The following PLCB4 variants were observed in gnomAD, a reference collection of about 807,000 sequenced individuals.
PLCB4 encodes phospholipase C beta 4.
PLCB4 carries 77 observed loss-of-function variants against 178.8 expected under a neutral mutation model. The ratio of observed to expected loss-of-function variants is 0.43; its 90% CI spans 0.36 to 0.52. PLCB4 has a LOEUF of 0.52. Ranked by LOEUF, PLCB4 falls within the 20% of genes least tolerant of loss-of-function variation. The pLI is 0.00. For synonymous variants in PLCB4, 496 were observed against 490.8 expected (o/e 1.01, Z -0.14); for missense variants, 1,024 against 1,453.4 (o/e 0.70, Z 4.80).
intron 21 of PLCB4, among the ~76,000 whole-genome samples, chr20:9,405,551 C>T (rs894252897): frequency 2.6e-5 from 4 of 152,080 alleles, no homozygotes; most frequent in African/African-American, 9.7e-5. Context: ...GATTTCATTC[C>T]TGCAGTGGAA....
At chr20:9,320,423 C>G (rs760856998) in intron 4 of PLCB4, among the ~76,000 whole-genome samples, 1 of 152,146 alleles carries the variant, frequency 6.6e-6, no homozygotes, top group Non-Finnish European at 1.5e-5. Context: ...AGCTTTTGGC[C>G]GGCTTCCTTA....
intron 2 of PLCB4, among the ~76,000 whole-genome samples, chr20:9,147,674 G>A (rs1027755777): frequency 1.1e-4 from 16 of 152,106 alleles, no homozygotes; most frequent in African/African-American, 3.6e-4. Context: ...ACTAGACCTA[G>A]CATATACTCC....
At chr20:9,236,157 T>C (rs1056712558) in intron 3 of PLCB4, among the ~76,000 whole-genome samples, 10 of 152,164 alleles carry the variant, frequency 6.6e-5, no homozygotes, top group African/African-American at 2.4e-4. Context: ...ATTTTGTCTC[T>C]TGATGTCTTG....
chr20:9,427,215 ACT>A (rs2041079661), intron 28 of PLCB4, among the ~76,000 whole-genome samples: 1 of 152,134 alleles, frequency 6.6e-6, no homozygotes, highest in Admixed American at 6.6e-5. Flanking sequence ...ACAGAGCAAG[ACT>A]CTGTCTCCAA....
rs771814352 is a variant in PLCB4, at chr20:9,421,316, T to C, written c.2174T>C (p.Leu725Ser). The stretch of plus-strand genomic sequence containing the variant: ...CTACAGGTTATATCAGGTCAATTCT[T>C]ATCAGATAAGAAAATTGGCACCTAC... ...CSVQVISGQF[L>S]SDKKIGTYVE... The change falls in exon 27 of 40, where the codon TTA becomes TCA. Residue 725 changes from leucine to serine, a missense_variant. Leu to Ser is a moderately radical substitution (Grantham distance 145). This residue lies in a region of PLCB4 where 227 missense variants were observed against 374.3 expected (regional missense o/e 0.61). Transcript: ENST00000378473. 6.2e-7 allele frequency: 1 copy of C among 1,613,694 alleles called. No individual in the cohort carries two copies. Among genetic ancestry groups the C allele is most frequent in the African/African-American group, 1.3e-5 (1 of 74,920 alleles).
intron 3 of PLCB4, among the ~76,000 whole-genome samples, chr20:9,297,041 C>A (rs1447748086): frequency 6.6e-6 from 1 of 151,912 alleles, no homozygotes; most frequent in Admixed American, 6.6e-5. Flanking sequence ...GACTTTTACT[C>A]TGGAGCATAT....
intron 7 of PLCB4, among the ~76,000 whole-genome samples, chr20:9,350,982 G>C (rs918544936): frequency 1.3e-5 from 2 of 152,184 alleles, no homozygotes; most frequent in Non-Finnish European, 2.9e-5. Context: ...ATCATTATCT[G>C]TGGGAGCTAT....
chr20:9,285,368 A>T (rs535856905), intron 3 of PLCB4, among the ~76,000 whole-genome samples: 1 of 152,048 alleles, frequency 6.6e-6, no homozygotes, highest in South Asian at 2.1e-4. Context: ...CAAAGAAAAA[A>T]TTAAATTATC....
At chr20:9,175,798 TC>T (rs1335449500) in intron 2 of PLCB4, among the ~76,000 whole-genome samples, 7 of 152,178 alleles carry the variant, frequency 4.6e-5, no homozygotes, top group African/African-American at 1.7e-4. Flanking sequence ...AATCAGATCA[TC>T]CCTGACATTA....
intron 30 of PLCB4, among the ~76,000 whole-genome samples, chr20:9,439,582 A>G (rs975375867): frequency 6.6e-6 from 1 of 152,222 alleles, no homozygotes; most frequent in African/African-American, 2.4e-5. Context: ...ACAGCAGTAT[A>G]GAAAAGCTTT....
Position 9,371,208 on chromosome 20 carries a change from C to A in PLCB4, c.504-6C>A. Reference sequence around the variant, plus strand: ...GGAATGTGTGTTTCTTTCTTTTCTGCCCTAGTATTACTAGAACATTTGCAT... The same window carrying A: ...GGAATGTGTGTTTCTTTCTTTTCTGACCTAGTATTACTAGAACATTTGCAT... On this transcript the variant is annotated splice_polypyrimidine_tract_variant and splice_region_variant and intron_variant, in intron 9 of 39. Coordinates refer to ENST00000378473, the MANE Select transcript of PLCB4 (RefSeq NM_001377142.1). 1 of 1,570,230 alleles carries A rather than the reference C, an allele frequency of 6.4e-7. No homozygotes were observed. The highest frequency in any genetic ancestry group is 2.2e-5 in the East Asian group (1 of 44,636).
In PLCB4 at chr20:9,096,311, A is replaced by C. The variant is rs1046092670; in HGVS notation, c.-110A>C. On this transcript the variant is annotated 5_prime_UTR_variant, in exon 2 of 40. Coordinates refer to ENST00000378473, the MANE Select transcript of PLCB4 (RefSeq NM_001377142.1). ...GGAAAAGACAATTTCTCTCTGATTCAGAATCCTGAAAATGTGATCTCCCTT... is the reference window on the plus strand; with the variant it reads ...GGAAAAGACAATTTCTCTCTGATTCCGAATCCTGAAAATGTGATCTCCCTT... The C allele has an allele frequency of 2.6e-5, 4 of 152,178 alleles. No homozygotes were observed. The highest frequency in any genetic ancestry group is 2.6e-4 in the Admixed American group (4 of 15,278). The allele number at this position is 152,178 out of a possible 1,614,324, so 9.4% of individuals were successfully genotyped here. A position where few individuals can be genotyped will look rare whatever the true frequency, so the allele number is the denominator to read the frequency against.
At chr20:9,142,581 A>G (rs1437195083) in intron 2 of PLCB4, among the ~76,000 whole-genome samples, 1 of 152,172 alleles carries the variant, frequency 6.6e-6, no homozygotes, top group East Asian at 1.9e-4. Flanking sequence ...ATCTTCAGAT[A>G]CTGACATCTA....
intron 12 of PLCB4, among the ~76,000 whole-genome samples, chr20:9,373,404 T>C (rs746509124): frequency 6.6e-6 from 1 of 152,246 alleles, no homozygotes; most frequent in Non-Finnish European, 1.5e-5. Context: ...TCTGTGTTTT[T>C]GCAAGATGAT....
At chr20:9,353,265 T>G (rs1438873660) in intron 7 of PLCB4, among the ~76,000 whole-genome samples, 1 of 152,200 alleles carries the variant, frequency 6.6e-6, no homozygotes, top group Non-Finnish European at 1.5e-5. Context: ...GCAGCTTAGC[T>G]CCTTTATTAT....
At chr20:9,109,177 A>G (rs577721416) in intron 2 of PLCB4, among the ~76,000 whole-genome samples, 2 of 152,324 alleles carry the variant, frequency 1.3e-5, no homozygotes, top group African/African-American at 4.8e-5. Context: ...CCCTGGGTCT[A>G]AAGTATTGAA....
In PLCB4 at chr20:9,468,571, G is replaced by T; in HGVS notation, c.3249G>T (p.Arg1083Ser). ...TTGTTTTCTTGTTTTTAATACATAG[G>T]GAAAGCAAGGAAATGCGAGCACACC... is the stretch of plus-strand genomic sequence containing the variant. Reference protein sequence around the residue: ...QTQQLKLSHDRESKEMRAHQA... With the variant: ...QTQQLKLSHDSESKEMRAHQA... The change falls in exon 36 of 40, where the codon AGG becomes AGT. Residue 1083 changes from arginine to serine, a missense_variant and splice_region_variant. Physicochemically the swap from Arg to Ser is moderately radical, Grantham distance 110. Transcript: ENST00000378473. 6.3e-7 allele frequency: 1 copy of T among 1,591,226 alleles called. No individual in the cohort carries two copies. Among genetic ancestry groups the T allele is most frequent in the Non-Finnish European group, 8.6e-7 (1 of 1,159,774 alleles).
intron 7 of PLCB4, among the ~76,000 whole-genome samples, chr20:9,355,731 A>G (rs1057211520): frequency 7.9e-5 from 12 of 151,380 alleles, no homozygotes; most frequent in Non-Finnish European, 1.5e-4. Flanking sequence ...AGTCTTTGCT[A>G]TTGTGAATAG....
At chr20:9,178,867 G>T (rs965156826) in intron 2 of PLCB4, among the ~76,000 whole-genome samples, 2 of 151,888 alleles carry the variant, frequency 1.3e-5, no homozygotes, top group Non-Finnish European at 2.9e-5. Context: ...TAGAAAAAAG[G>T]CATTATAAAA....
Sources: gnomAD v4.1 joint callset for allele counts (sites outside exome capture counted in the v4.1 genomes callset) on GRCh38, gnomAD v4.1.1 for gene constraint, gnomAD v4.1.1 regional missense constraint, MANE v1.5 for transcripts, NCBI Gene and HGNC (gene_info 2026-07-23, HGNC 2026-07-21) for gene names.